Variants in THSD4 observed in about 807,000 individuals in gnomAD.
THSD4 encodes thrombospondin type-1 domain-containing protein 4.
In THSD4, 69 loss-of-function variants were observed where a neutral mutation model predicts 119.0. That is an observed-to-expected ratio of 0.58 (90% CI 0.48 to 0.71). The LOEUF is 0.71. THSD4 is among the 30% of genes least tolerant of loss of function. THSD4 has a pLI of 0.00. For missense variants in THSD4, 1,393 were observed against 1,391.1 expected (o/e 1.00, Z -0.02); for synonymous variants, 524 against 540.4 (o/e 0.97, Z 0.42).
At chr15:71,284,300 T>G (rs950902645) in intron 6 of THSD4, among the ~76,000 whole-genome samples, 2 of 152,226 alleles carry the variant, frequency 1.3e-5, no homozygotes, top group African/African-American at 2.4e-5. Context: ...AAAAGAGTGC[T>G]AATGCTACAT....
chr15:71,396,989 C>T (rs1001082559), intron 6 of THSD4, among the ~76,000 whole-genome samples: 6 of 152,208 alleles, frequency 3.9e-5, no homozygotes, highest in Non-Finnish European at 7.3e-5. Flanking sequence ...CTGCTGTTCC[C>T]TGTTCAGGTT....
At chr15:71,637,167 G>A (rs1348188667) in intron 7 of THSD4, among the ~76,000 whole-genome samples, 1 of 152,308 alleles carries the variant, frequency 6.6e-6, no homozygotes, top group Non-Finnish European at 1.5e-5. Context: ...GAATACAGGC[G>A]TGAGCCACAG....
At chr15:71,119,833 T>C (rs2040394345) in intron 1 of THSD4, among the ~76,000 whole-genome samples, 1 of 152,190 alleles carries the variant, frequency 6.6e-6, no homozygotes, top group Non-Finnish European at 1.5e-5. Context: ...ACAGATCTCT[T>C]TCATTCAACT....
chr15:71,281,730 A>G (rs2044655650), intron 6 of THSD4, among the ~76,000 whole-genome samples: 1 of 152,232 alleles, frequency 6.6e-6, no homozygotes, highest in Non-Finnish European at 1.5e-5. Flanking sequence ...AAATTTTAAG[A>G]TAATCTTTTC....
intron 15 of THSD4, among the ~76,000 whole-genome samples, chr15:71,762,178 C>CACAG (rs55645600): frequency 0.096 from 14,061 of 147,200 alleles, 1,355 homozygotes; most frequent in Middle Eastern, 0.13. Flanking sequence ...CACACACACA[C>CACAG]AGAGATAGAG....
intron 3 of THSD4, among the ~76,000 whole-genome samples, chr15:71,156,806 T>C (rs975923363): frequency 2.0e-5 from 3 of 152,168 alleles, no homozygotes; most frequent in Non-Finnish European, 4.4e-5. Context: ...GTCTTGTTCA[T>C]GGCCCTATTC....
intron 7 of THSD4, among the ~76,000 whole-genome samples, chr15:71,430,475 A>C (rs1339206487): frequency 6.6e-6 from 1 of 152,226 alleles, no homozygotes; most frequent in Non-Finnish European, 1.5e-5. Flanking sequence ...AAGCCTCTCA[A>C]GGCTGTAAGC....
At chr15:71,647,650 C>T in intron 7 of THSD4, among the ~76,000 whole-genome samples, 1 of 152,284 alleles carries the variant, frequency 6.6e-6, no homozygotes, top group South Asian at 2.1e-4. Context: ...TTATAAATAT[C>T]TCTCAACTTG....
chr15:71,578,774 C>T (rs990918232), intron 7 of THSD4, among the ~76,000 whole-genome samples: 4 of 151,260 alleles, frequency 2.6e-5, no homozygotes, highest in African/African-American at 9.7e-5. Flanking sequence ...ATAATGAACA[C>T]TGTTTTAATG....
intron 8 of THSD4, among the ~76,000 whole-genome samples, chr15:71,665,066 C>T (rs898672715): frequency 1.3e-5 from 2 of 152,160 alleles, no homozygotes; most frequent in Non-Finnish European, 2.9e-5. Context: ...GAGGAATCAC[C>T]ACACTGCTTT....
At chr15:71,266,162 G>T (rs957298566) in intron 6 of THSD4, among the ~76,000 whole-genome samples, 1 of 152,200 alleles carries the variant, frequency 6.6e-6, no homozygotes, top group African/African-American at 2.4e-5. Context: ...CCTTCTGACT[G>T]GGAGACACCT....
At chr15:71,471,212 C>T (rs1031399058) in intron 7 of THSD4, among the ~76,000 whole-genome samples, 3 of 152,132 alleles carry the variant, frequency 2.0e-5, no homozygotes, top group Non-Finnish European at 2.9e-5. Flanking sequence ...GACACTCAAC[C>T]AGCTTCCCTT....
At chr15:71,735,468 C>G (rs994331679) in intron 10 of THSD4, among the ~76,000 whole-genome samples, 2 of 151,662 alleles carry the variant, frequency 1.3e-5, no homozygotes, top group African/African-American at 4.8e-5. Flanking sequence ...CTCTCTCTCT[C>G]TCTTTCTCAC....
At position 71,419,033 on chromosome 15, in the gene THSD4, T is replaced by C. The variant is rs1235039319; in HGVS notation, c.1152+7210T>C. ...CAGTTGTTATGTCTCCTTTTTTAGC[T>C]CTGATTTTATTTATTTGAGTCTTCT... On this transcript the variant is annotated intron_variant, in intron 7 of 17. Coordinates refer to ENST00000261862, the MANE Select transcript of THSD4 (RefSeq NM_024817.3). Among the ~76,000 whole-genome samples the C allele has an allele frequency of 1.9e-5, 2 of 107,986 alleles. 1 individual carries two copies. Among genetic ancestry groups the C allele is most frequent in the Non-Finnish European group, 4.1e-5 (2 of 49,226 alleles). 70.8% of individuals were successfully genotyped at this position (107,986 alleles called of 152,430 possible).
chr15:71,111,254 C>T, upstream of THSD4: 3 of 1,613,938 alleles, frequency 1.9e-6, no homozygotes, highest in Non-Finnish European at 2.5e-6. Context: ...CTGAAGACTC[C>T]CTGACACTTC....
intron 3 of THSD4, among the ~76,000 whole-genome samples, chr15:71,163,386 G>T (rs2043264250): frequency 6.6e-6 from 1 of 151,814 alleles, no homozygotes; most frequent in African/African-American, 2.4e-5. Context: ...TAACAAAACA[G>T]CACTCCATCA....
chr15:71,669,123 A>G (rs933866942), intron 8 of THSD4, among the ~76,000 whole-genome samples: 8 of 152,198 alleles, frequency 5.3e-5, no homozygotes, highest in African/African-American at 1.9e-4. Context: ...CTCCCACCAG[A>G]AGCACATGAA....
intron 3 of THSD4, among the ~76,000 whole-genome samples, chr15:71,214,517 C>T (rs576360412): frequency 2.0e-5 from 3 of 152,306 alleles, no homozygotes; most frequent in South Asian, 4.1e-4. Context: ...TGTGAAGGTC[C>T]GCAGCTTCAT....
intron 2 of THSD4, among the ~76,000 whole-genome samples, chr15:71,143,696 C>CTT (rs1567137089): frequency 1.0e-5 from 1 of 98,484 alleles, no homozygotes; most frequent in African/African-American, 5.1e-5. Flanking sequence ...TTTTTTTTTT[C>CTT]TTTCTTTTTT....
Sources: gnomAD v4.1 joint callset for allele counts (sites outside exome capture counted in the v4.1 genomes callset) on GRCh38, gnomAD v4.1.1 for gene constraint, MANE v1.5 for transcripts, NCBI Gene and HGNC (gene_info 2026-07-23, HGNC 2026-07-21) for gene names.